Variants in EFCAB5 observed in about 807,000 individuals in gnomAD.
The protein encoded by EFCAB5 is EF-hand calcium-binding domain-containing protein 5.
EFCAB5 carries 131 observed loss-of-function variants against 167.9 expected under a neutral mutation model. The observed-to-expected ratio is 0.78, with a 90% CI of 0.68 to 0.90. The LOEUF is 0.90. Among genes scored for constraint, EFCAB5 ranks in the 40% least tolerant of loss-of-function variants. The pLI, the probability that EFCAB5 is intolerant of heterozygous loss-of-function variation, is 0.00. For missense variants in EFCAB5, 1,663 were observed against 1,745.2 expected (o/e 0.95, Z 0.84); for synonymous variants, 574 against 602.8 (o/e 0.95, Z 0.70).
At chr17:30,004,675 C>T (rs550974426) in intron 7 of EFCAB5, among the ~76,000 whole-genome samples, 2 of 146,542 alleles carry the variant, frequency 1.4e-5, no homozygotes, top group Admixed American at 1.4e-4. Flanking sequence ...GTCTGGAGTG[C>T]AGTGGTGCAA....
chr17:30,062,737 G>A (rs983023449), intron 14 of EFCAB5, among the ~76,000 whole-genome samples: 3 of 152,160 alleles, frequency 2.0e-5, no homozygotes, highest in East Asian at 1.9e-4. Flanking sequence ...CTCAAGTGGA[G>A]CTGCAAGCAC....
At chr17:30,088,552 C>T (rs766870820) in intron 19 of EFCAB5, among the ~76,000 whole-genome samples, 13 of 152,094 alleles carry the variant, frequency 8.5e-5, no homozygotes, top group Admixed American at 3.3e-4. Flanking sequence ...AGAAGACATG[C>T]AGAGTTGGAG....
intron 1 of EFCAB5, among the ~76,000 whole-genome samples, chr17:29,935,909 C>T (rs2067241230): frequency 6.6e-6 from 1 of 152,074 alleles, no homozygotes; most frequent in Non-Finnish European, 1.5e-5. Context: ...ACTTCTGAAG[C>T]AGGAGCACTG....
chr17:30,059,959 A>G, intron 14 of EFCAB5: 1 of 214,702 alleles, frequency 4.7e-6, no homozygotes, highest in Non-Finnish European at 9.1e-6. Context: ...AGCAGCTGTG[A>G]CTGCAGTACC....
rs1041198120 is a variant in EFCAB5 at position 29,969,198 on chromosome 17, A to G, written c.598A>G (p.Thr200Ala). The G allele has an allele frequency of 1.4e-5, 22 of 1,613,780 alleles. No homozygotes were observed. The highest frequency in any genetic ancestry group is 1.6e-4 in the Middle Eastern group (1 of 6,080). Residue 200 changes from threonine (T) to alanine (A), a missense_variant, in exon 4 of 23, where the codon ACA becomes GCA. Physicochemically the swap from Thr to Ala is moderately conservative, Grantham distance 58. Coordinates refer to ENST00000394835, the MANE Select transcript of EFCAB5 (RefSeq NM_198529.4). Reference sequence around the variant, plus strand: ...TCAAGTAGAAAAGAAGAAGGTTTTGACAGAAGCTGATACTCCAAGCAAGTT... The same window carrying G: ...TCAAGTAGAAAAGAAGAAGGTTTTGGCAGAAGCTGATACTCCAAGCAAGTT... Reference protein sequence around the residue: ...LTQVEKKKVLTEADTPSKFDP... With the variant: ...LTQVEKKKVLAEADTPSKFDP...
At chr17:30,069,041 T>G (rs969708593) in intron 14 of EFCAB5, 2 of 1,402,786 alleles carry the variant, frequency 1.4e-6, no homozygotes, top group Non-Finnish European at 2.0e-6. Flanking sequence ...CTGGATTTCA[T>G]TGAAGATTAC....
In EFCAB5 at chr17:30,057,740, T is replaced by A. The variant is rs547785705; in HGVS notation, c.2430T>A (p.Asn810Lys). 6.2e-7 allele frequency: 1 copy of A among 1,613,848 alleles called. No individual in the cohort carries two copies. The change falls in exon 13 of 23, where the codon AAT becomes AAA. Residue 810 changes from asparagine (N) to lysine (K), a missense_variant. Physicochemically the swap from Asn to Lys is moderately conservative, Grantham distance 94 (BLOSUM62 0). Coordinates refer to ENST00000394835, the MANE Select transcript of EFCAB5 (RefSeq NM_198529.4). ...AGGTAAAAGGCAGAACTGCCTTCAA[T>A]GGAGTTTCATTCAATCTGCTCCAGT... The part of the protein sequence containing the change: ...CKEVKGRTAF[N>K]GVSFNLLQFV...
chr17:30,082,148 CTGTCGATCTGA>C (rs1473498960), intron 17 of EFCAB5, among the ~76,000 whole-genome samples: 1 of 152,168 alleles, frequency 6.6e-6, no homozygotes, highest in Non-Finnish European at 1.5e-5. Context: ...ATGTCCTATA[CTGTCGATCTGA>C]TGATAGTGGC....
intron 7 of EFCAB5, among the ~76,000 whole-genome samples, chr17:30,016,641 T>C (rs964805145): frequency 3.9e-5 from 6 of 152,142 alleles, no homozygotes; most frequent in Admixed American, 1.3e-4. Context: ...TTCCAAAAGG[T>C]AGAAATATGA....
intron 8 of EFCAB5, among the ~76,000 whole-genome samples, chr17:30,042,143 G>A (rs896020431): frequency 7.9e-5 from 12 of 151,952 alleles, no homozygotes; most frequent in Non-Finnish European, 1.6e-4. Flanking sequence ...GGAGTAGCTG[G>A]GATTACAGGC....
chr17:30,031,740 T>TGCTG (rs1405449705), intron 7 of EFCAB5: 14 of 152,236 alleles, frequency 9.2e-5, no homozygotes, highest in African/African-American at 3.1e-4. Flanking sequence ...ATGATAATGA[T>TGCTG]GCTGGGTACA....
rs553413830 is a variant in EFCAB5 at position 30,053,779 on chromosome 17, C to A, written c.1825C>A (p.Arg609Ser). 2 of 1,613,850 alleles carry A rather than the reference C, an allele frequency of 1.2e-6. No homozygotes were observed. The highest frequency in any genetic ancestry group is 4.5e-5 in the East Asian group (2 of 44,868). The stretch of plus-strand genomic sequence containing the variant: ...AGAGTCAGTTGCAGAACAAGGGTCA[C>A]GCAGAGAGTCTATTGCAGAACAAGA... ...SRESVAEQGSRRESIAEQDRH... is the reference protein window; with the variant it reads ...SRESVAEQGSSRESIAEQDRH... Residue 609 changes from arginine (R) to serine (S), a missense_variant, in exon 10 of 23, where the codon CGC becomes AGC. Coordinates refer to ENST00000394835, the MANE Select transcript of EFCAB5 (RefSeq NM_198529.4).
At position 29,993,340 on chromosome 17, in the gene EFCAB5, T is replaced by C; in HGVS notation, c.924+19T>C. ...GTCAGTGGTAAGAAAATTGGGGGTATATGTGAAAGGTAGGTGGGGTAAGTG... is the reference window on the plus strand; with the variant it reads ...GTCAGTGGTAAGAAAATTGGGGGTACATGTGAAAGGTAGGTGGGGTAAGTG... On this transcript the variant is annotated intron_variant, in intron 5 of 22. Transcript: ENST00000394835. 4 of 1,604,786 alleles carry C rather than the reference T, an allele frequency of 2.5e-6. No homozygotes were observed. The highest frequency in any genetic ancestry group is 3.4e-6 in the Non-Finnish European group (4 of 1,174,538).
At chr17:30,067,876 G>A (rs1235749154) in intron 14 of EFCAB5, among the ~76,000 whole-genome samples, 1 of 152,090 alleles carries the variant, frequency 6.6e-6, no homozygotes, top group Non-Finnish European at 1.5e-5. Flanking sequence ...CATCCAAATT[G>A]GAAAAGAGAA....
intron 7 of EFCAB5, among the ~76,000 whole-genome samples, chr17:30,001,130 A>T (rs991826647): frequency 6.6e-6 from 1 of 151,904 alleles, no homozygotes; most frequent in Non-Finnish European, 1.5e-5. Flanking sequence ...CCTGACCCAA[A>T]CCTGGTGCTT....
intron 3 of EFCAB5, among the ~76,000 whole-genome samples, chr17:29,967,301 G>A (rs1380423294): frequency 8.5e-5 from 13 of 152,176 alleles, no homozygotes; most frequent in Admixed American, 7.9e-4. Flanking sequence ...AGGACAAGAT[G>A]TGCAGACAGT....
chr17:30,017,301 G>A lies in EFCAB5; in HGVS notation c.1045-16929G>A, dbSNP rs144730342. ...TTGTTACTTTGGCATATTTTTCTAA[G>A]GAAAATTATTCAATGTTGTAAAAGT... On this transcript the variant is annotated intron_variant, in intron 7 of 22. Transcript: ENST00000394835. Among the ~76,000 whole-genome samples, 1,223 of 152,116 alleles carry A rather than the reference G, an allele frequency of 8.0e-3. 11 individuals are homozygous for A. The highest frequency in any genetic ancestry group is 0.024 in the African/African-American group (1,016 of 41,504).
intron 19 of EFCAB5, 74 bp downstream of exon 19, chr17:30,087,240 G>A: frequency 8.2e-7 from 1 of 1,212,320 alleles, no homozygotes; most frequent in East Asian, 2.4e-5. Context: ...GAAAGACACA[G>A]CTTCTGACTC....
intron 3 of EFCAB5, among the ~76,000 whole-genome samples, chr17:29,949,222 C>G (rs1183518551): frequency 1.3e-5 from 2 of 152,190 alleles, no homozygotes; most frequent in East Asian, 3.8e-4. Flanking sequence ...GGACCATACA[C>G]TGAGAGCTGA....
Sources: allele counts gnomAD v4.1 joint callset (sites outside exome capture counted in the v4.1 genomes callset), GRCh38; gene constraint gnomAD v4.1.1; transcripts MANE v1.5; gene names NCBI Gene and HGNC (gene_info 2026-07-23, HGNC 2026-07-21).